The following MGAT4C variants were observed in gnomAD, a reference collection of about 807,000 sequenced individuals.
MGAT4C encodes alpha-1,3-mannosyl-glycoprotein 4-beta-N-acetylglucosaminyltransferase C.
A neutral mutation model predicts 40.1 loss-of-function variants in MGAT4C; 19 were observed. The ratio of observed to expected loss-of-function variants is 0.47; its 90% CI spans 0.33 to 0.70. The LOEUF is 0.70. MGAT4C is among the 30% of genes least tolerant of loss of function. MGAT4C has a pLI of 0.02. For synonymous variants in MGAT4C, 181 were observed against 187.1 expected (o/e 0.97, Z 0.27); for missense variants, 491 against 563.2 (o/e 0.87, Z 1.30).
intron 1 of MGAT4C, among the ~76,000 whole-genome samples, chr12:86,174,271 T>C (rs1887167719): frequency 6.6e-6 from 1 of 152,066 alleles, no homozygotes; most frequent in Non-Finnish European, 1.5e-5. Flanking sequence ...GTCACTTCTT[T>C]TTCCTATTTT....
intron 3 of MGAT4C, among the ~76,000 whole-genome samples, chr12:86,371,854 T>G (rs1955720198): frequency 6.6e-6 from 1 of 151,880 alleles, no homozygotes. Flanking sequence ...AACTCAGAGT[T>G]GAGAAAAAGA....
chr12:86,548,054 A>G (rs1264293758), intron 2 of MGAT4C, among the ~76,000 whole-genome samples: 2 of 152,158 alleles, frequency 1.3e-5, no homozygotes, highest in African/African-American at 4.8e-5. Context: ...ATCATGATAC[A>G]TACATATGCA....
At chr12:86,801,942 T>C (rs182737038) in intron 1 of MGAT4C, among the ~76,000 whole-genome samples, 1 of 152,008 alleles carries the variant, frequency 6.6e-6, no homozygotes, top group East Asian at 1.9e-4. Context: ...CTTATGTAAA[T>C]ATCAAACTGG....
rs1009015698 is a variant in MGAT4C, at chr12:85,974,766, A to G, written c.*4523T>C. The G allele has an allele frequency of 6.6e-6, 1 of 150,630 alleles. No homozygotes were observed. The highest frequency in any genetic ancestry group is 2.4e-5 in the African/African-American group (1 of 41,264). The allele number at this position is 150,630 out of a possible 1,614,324, so 9.3% of individuals were successfully genotyped here. ...TTTCTTCCTAAAAAGAATAACCCCA[A>G]TCTGAACAAAGAAATTCAAAGTAAT... On this transcript the variant is annotated 3_prime_UTR_variant, in exon 5 of 5. Transcript: ENST00000611864.
chr12:86,779,632 G>T (rs1951802985), intron 1 of MGAT4C, among the ~76,000 whole-genome samples: 1 of 151,444 alleles, frequency 6.6e-6, no homozygotes, highest in African/African-American at 2.4e-5. Flanking sequence ...AATAATAAAA[G>T]GCCGGGAGCG....
At chr12:86,269,355 A>C (rs1054059634) in intron 4 of MGAT4C, among the ~76,000 whole-genome samples, 2 of 151,550 alleles carry the variant, frequency 1.3e-5, no homozygotes, top group African/African-American at 4.8e-5. Flanking sequence ...TATTTAAGTA[A>C]AGTTTATTTT....
At chr12:86,126,534 C>A (rs1880295406) in intron 1 of MGAT4C, among the ~76,000 whole-genome samples, 1 of 152,046 alleles carries the variant, frequency 6.6e-6, no homozygotes, top group African/African-American at 2.4e-5. Flanking sequence ...AATAAGATAT[C>A]TCAGTTTCTG....
At chr12:86,621,748 G>T (rs148679168) in intron 2 of MGAT4C, among the ~76,000 whole-genome samples, 376 of 152,258 alleles carry the variant, frequency 2.5e-3, no homozygotes, top group African/African-American at 8.7e-3. Context: ...AAAATATGAG[G>T]ATTCCAGGCA....
chr12:86,318,540 C>T (rs541904239), intron 4 of MGAT4C, among the ~76,000 whole-genome samples: 25 of 152,246 alleles, frequency 1.6e-4, no homozygotes, highest in South Asian at 1.0e-3. Context: ...ATAAAGTATA[C>T]GGCTTTTCCT....
chr12:86,144,323 A>C (rs1314077099), intron 1 of MGAT4C, among the ~76,000 whole-genome samples: 1 of 152,320 alleles, frequency 6.6e-6, no homozygotes, highest in South Asian at 2.1e-4. Flanking sequence ...CAGGAAAGCT[A>C]TATGCAGTGA....
At chr12:86,400,614 T>C (rs1165406048) in intron 3 of MGAT4C, among the ~76,000 whole-genome samples, 1 of 152,222 alleles carries the variant, frequency 6.6e-6, no homozygotes, top group Admixed American at 6.5e-5. Context: ...TGAGCTTTCA[T>C]ATAAACTTGA....
intron 2 of MGAT4C, among the ~76,000 whole-genome samples, chr12:86,516,743 A>G (rs1958695844): frequency 6.6e-6 from 1 of 152,158 alleles, no homozygotes; most frequent in Non-Finnish European, 1.5e-5. Flanking sequence ...TATATAAACA[A>G]CTGCTGCAAT....
At chr12:86,770,702 G>A (rs1056793999) in intron 1 of MGAT4C, among the ~76,000 whole-genome samples, 1 of 152,006 alleles carries the variant, frequency 6.6e-6, no homozygotes, top group Non-Finnish European at 1.5e-5. Context: ...CTTTCAATAT[G>A]AGGACCAAAG....
rs1458124374 is a variant in MGAT4C, at chr12:86,490,571, C to A, written c.-228-55306G>T. The stretch of plus-strand genomic sequence containing the variant: ...ATGACAGGATCAAATTCACACATAA[C>A]AATATTAACTTTAAATGTAAATGGA... On this transcript the variant is annotated intron_variant, in intron 2 of 7. Transcript: ENST00000548651. Among the ~76,000 whole-genome samples the A allele has an allele frequency of 3.3e-5, 5 of 151,536 alleles. No homozygotes were observed. In the South Asian group the frequency reaches 1.0e-3, roughly 32 times the overall value.
rs368769552 is a variant in MGAT4C at position 85,956,102 on chromosome 12, T to C, written c.*23187A>G. 1.1e-4 allele frequency: 17 copies of C among 152,216 alleles called. No homozygotes were observed. Among genetic ancestry groups the C allele is most frequent in the African/African-American group, 4.1e-4 (17 of 41,476 alleles). 9.4% of individuals were successfully genotyped at this position (152,216 alleles called of 1,614,324 possible). On this transcript the variant is annotated 3_prime_UTR_variant, in exon 5 of 5. Transcript: ENST00000611864. The stretch of plus-strand genomic sequence containing the variant: ...ATCACGACTGAAATCACTCTTTCAA[T>C]AACAAAAGATATATTTGTATGGTAG...
At chr12:86,655,819 T>C (rs1963835144) in intron 2 of MGAT4C, among the ~76,000 whole-genome samples, 3 of 152,128 alleles carry the variant, frequency 2.0e-5, no homozygotes, top group African/African-American at 7.2e-5. Flanking sequence ...GTAAAATAAG[T>C]GTCCCCTGTT....
chr12:86,534,859 G>A (rs1959043358), intron 2 of MGAT4C, among the ~76,000 whole-genome samples: 1 of 151,978 alleles, frequency 6.6e-6, no homozygotes. Flanking sequence ...GCTGCTTTAT[G>A]TTTGCAAATA....
rs34098097 is a variant in MGAT4C at position 86,184,738 on chromosome 12, TAAAAAA to T, written c.-57+71495_-57+71500del. Among the ~76,000 whole-genome samples, 20 of 86,888 alleles carry T rather than the reference TAAAAAA, an allele frequency of 2.3e-4. No homozygotes were observed. In the East Asian group the frequency reaches 3.6e-3, roughly 16 times the overall value. 57.0% of individuals were successfully genotyped at this position (86,888 alleles called of 152,430 possible). On this transcript the variant is annotated intron_variant, in intron 1 of 4. Transcript: ENST00000611864. Reference sequence around the variant, plus strand: ...CCTGCCTTATTTCTTTTTCTCCTGTTAAAAAAAAAAAAAAAAAAAAAAAAAACTATG... The same window carrying T: ...CCTGCCTTATTTCTTTTTCTCCTGTTAAAAAAAAAAAAAAAAAAAACTATG...
At chr12:86,667,903 A>G (rs1160143462) in intron 2 of MGAT4C, among the ~76,000 whole-genome samples, 1 of 152,222 alleles carries the variant, frequency 6.6e-6, no homozygotes, top group African/African-American at 2.4e-5. Flanking sequence ...TTCTGATGCT[A>G]GAAATATGTG....
Sources: gnomAD v4.1 joint callset for allele counts (sites outside exome capture counted in the v4.1 genomes callset) on GRCh38, gnomAD v4.1.1 for gene constraint, MANE v1.5 for transcripts, NCBI Gene and HGNC (gene_info 2026-07-23, HGNC 2026-07-21) for gene names.